Variants in CDH18 observed in about 807,000 individuals in gnomAD.
The protein encoded by CDH18 is cadherin 18.
A neutral mutation model predicts 67.9 loss-of-function variants in CDH18; 31 were observed. The observed-to-expected ratio is 0.46, with a 90% CI of 0.34 to 0.62. The LOEUF (loss-of-function observed/expected upper bound fraction) is 0.62. Among genes scored for constraint, CDH18 ranks in the 20% least tolerant of loss-of-function variants. The pLI, the probability that CDH18 is intolerant of heterozygous loss-of-function variation, is 0.01. For synonymous variants in CDH18, 362 were observed against 347.2 expected, an observed-to-expected ratio of 1.04 and a Z score of -0.48; for missense variants, 890 against 975.5, an observed-to-expected ratio of 0.91 and a Z score of 1.17.
intron 2 of CDH18, among the ~76,000 whole-genome samples, chr5:20,172,197 T>TATATATATATATAC (rs1736789273): frequency 4.0e-5 from 2 of 50,472 alleles, no homozygotes; most frequent in Non-Finnish European, 7.3e-5. Context: ...TGTGTATATA[T>TATATATATATATAC]ATATATATAT....
At chr5:20,438,251 T>TAC (rs1448271577) in intron 1 of CDH18, among the ~76,000 whole-genome samples, 1 of 150,258 alleles carries the variant, frequency 6.7e-6, no homozygotes, top group Non-Finnish European at 1.5e-5. Flanking sequence ...TATATATATA[T>TAC]ATGTATGTAT....
chr5:19,500,202 A>G (rs1743014242), intron 11 of CDH18, among the ~76,000 whole-genome samples: 1 of 151,938 alleles, frequency 6.6e-6, no homozygotes, highest in Non-Finnish European at 1.5e-5. Flanking sequence ...ATTTTAATTG[A>G]TCTCCAGAGT....
intron 2 of CDH18, among the ~76,000 whole-genome samples, chr5:19,860,708 T>A (rs1346790370): frequency 6.6e-6 from 1 of 152,014 alleles, no homozygotes; most frequent in East Asian, 1.9e-4. Flanking sequence ...CATCCCACTA[T>A]AATTTATAAA....
intron 1 of CDH18, among the ~76,000 whole-genome samples, chr5:20,493,981 C>T (rs529775965): frequency 3.3e-5 from 5 of 150,108 alleles, no homozygotes; most frequent in African/African-American, 7.3e-5. Context: ...CAGTGGCTCA[C>T]GCCTGTAATC....
intron 1 of CDH18, among the ~76,000 whole-genome samples, chr5:20,298,305 T>C (rs2149960251): frequency 6.6e-6 from 1 of 152,260 alleles, no homozygotes; most frequent in African/African-American, 2.4e-5. Flanking sequence ...AGTAAATGAA[T>C]TATATTAACT....
chr5:20,241,634 G>A (rs949083449), intron 2 of CDH18, among the ~76,000 whole-genome samples: 3 of 151,832 alleles, frequency 2.0e-5, no homozygotes, highest in Non-Finnish European at 4.4e-5. Flanking sequence ...GGTGGATCAC[G>A]AGGTCACAAG....
intron 4 of CDH18, among the ~76,000 whole-genome samples, chr5:19,732,561 G>C (rs963516173): frequency 1.3e-5 from 2 of 152,218 alleles, no homozygotes; most frequent in East Asian, 3.9e-4. Context: ...TCAAAATCAA[G>C]CATTTCTTGT....
At chr5:20,442,055 C>T (rs190293469) in intron 1 of CDH18, among the ~76,000 whole-genome samples, 2 of 151,968 alleles carry the variant, frequency 1.3e-5, no homozygotes, top group African/African-American at 4.8e-5. Flanking sequence ...TGCCATCTAT[C>T]TTGTTAATTG....
chr5:20,371,230 T>A (rs1043803096), intron 1 of CDH18, among the ~76,000 whole-genome samples: 1 of 152,074 alleles, frequency 6.6e-6, no homozygotes, highest in Non-Finnish European at 1.5e-5. Context: ...ATTACTAGGA[T>A]CTTCCTTGAG....
chr5:20,430,283 G>A (rs1032201371), intron 1 of CDH18, among the ~76,000 whole-genome samples: 3 of 151,988 alleles, frequency 2.0e-5, no homozygotes, highest in South Asian at 2.1e-4. Flanking sequence ...CTGATGTGCC[G>A]GACACATCAG....
intron 3 of CDH18, among the ~76,000 whole-genome samples, chr5:19,807,803 A>G (rs1404851364): frequency 6.6e-6 from 1 of 152,086 alleles, no homozygotes; most frequent in African/African-American, 2.4e-5. Context: ...TCTAGGTTTT[A>G]CACTGTGTAT....
chr5:20,353,477 C>CA (rs1741372450), intron 1 of CDH18, among the ~76,000 whole-genome samples: 1 of 152,010 alleles, frequency 6.6e-6, no homozygotes, highest in Admixed American at 6.6e-5. Flanking sequence ...AGAACAAGCT[C>CA]AAAAAAGAAA....
intron 2 of CDH18, among the ~76,000 whole-genome samples, chr5:20,245,000 T>G (rs1386835304): frequency 6.6e-6 from 1 of 152,106 alleles, no homozygotes; most frequent in Non-Finnish European, 1.5e-5. Context: ...AAATCTTATA[T>G]TTGACTTGGT....
At chr5:20,088,492 T>C (rs1745160474) in intron 2 of CDH18, among the ~76,000 whole-genome samples, 1 of 152,208 alleles carries the variant, frequency 6.6e-6, no homozygotes, top group Non-Finnish European at 1.5e-5. Context: ...TCTTTTCTCC[T>C]GGATGACTAA....
chr5:19,474,721 C>CAAAG (rs1333330048), intron 12 of CDH18, among the ~76,000 whole-genome samples: 2 of 152,052 alleles, frequency 1.3e-5, no homozygotes, highest in East Asian at 3.9e-4. Flanking sequence ...TTCAGTATTT[C>CAAAG]AAAGACATGA....
intron 1 of CDH18, among the ~76,000 whole-genome samples, chr5:20,285,725 T>A (rs1425369224): frequency 1.3e-5 from 2 of 151,500 alleles, no homozygotes; most frequent in Non-Finnish European, 3.0e-5. Context: ...ATAATTGATA[T>A]GCCTTTTAAC....
At chr5:19,816,680 C>T (rs1306735435) in intron 3 of CDH18, among the ~76,000 whole-genome samples, 1 of 151,578 alleles carries the variant, frequency 6.6e-6, no homozygotes, top group Non-Finnish European at 1.5e-5. Context: ...AATTTCTAGT[C>T]CCTAACATAA....
chr5:19,973,302 T>C (rs1424508560), intron 2 of CDH18, among the ~76,000 whole-genome samples: 1 of 152,144 alleles, frequency 6.6e-6, no homozygotes, highest in Non-Finnish European at 1.5e-5. Context: ...AGAATAGGAC[T>C]GTAAAAGTGC....
chr5:19,647,753 C>G (rs987019866), intron 5 of CDH18, among the ~76,000 whole-genome samples: 12 of 151,878 alleles, frequency 7.9e-5, no homozygotes, highest in Non-Finnish European at 1.8e-4. Flanking sequence ...TCATACTCAC[C>G]CTGCGTTTGT....
Sources: gnomAD v4.1 joint callset for allele counts (sites outside exome capture counted in the v4.1 genomes callset) on GRCh38, gnomAD v4.1.1 for gene constraint, MANE v1.5 for transcripts, NCBI Gene and HGNC (gene_info 2026-07-23, HGNC 2026-07-21) for gene names.